Variants in ZAN observed in about 807,000 individuals in gnomAD.
The protein encoded by ZAN is zonadhesin (gene/pseudogene).
In ZAN, 260 loss-of-function variants were observed where a neutral mutation model predicts 286.2. The observed-to-expected ratio is 0.91, with a 90% CI of 0.82 to 1.01. The LOEUF (loss-of-function observed/expected upper bound fraction) is 1.01. Ranked by LOEUF, ZAN falls within the 50% of genes least tolerant of loss-of-function variation. The pLI, the probability that ZAN is intolerant of heterozygous loss-of-function variation, is 0.00. For synonymous variants in ZAN, 1,368 were observed against 1,417.5 expected (o/e 0.97, Z 0.79); for missense variants, 3,410 against 3,639.2 (o/e 0.94, Z 1.62).
chr7:100,754,408 G>A (rs1273310390), intron 14 of ZAN, among the ~76,000 whole-genome samples: 2 of 152,016 alleles, frequency 1.3e-5, no homozygotes, highest in African/African-American at 2.4e-5. Context: ...GCAGTGAGCC[G>A]AGATCATGCC....
At chr7:100,772,393 G>A (rs529752159) in intron 29 of ZAN, among the ~76,000 whole-genome samples, 9 of 151,430 alleles carry the variant, frequency 5.9e-5, no homozygotes, top group African/African-American at 2.2e-4. Flanking sequence ...TCACACCACT[G>A]CACTCCAGCC....
At chr7:100,790,396 A>G (rs987522742) in intron 39 of ZAN, among the ~76,000 whole-genome samples, 5 of 150,396 alleles carry the variant, frequency 3.3e-5, no homozygotes, top group African/African-American at 1.2e-4. Context: ...CCCTGTCTCT[A>G]CTGAAAATAC....
At chr7:100,794,290 GC>G (rs1812206193) in intron 44 of ZAN, 32 bp downstream of exon 44, 1 of 1,563,266 alleles carries the variant, frequency 6.4e-7, no homozygotes, top group African/African-American at 1.4e-5. Context: ...GTTCCAAGCT[GC>G]CCCATGCCCT....
At chr7:100,778,256 A>G (rs1810952722) in intron 34 of ZAN, among the ~76,000 whole-genome samples, 1 of 152,178 alleles carries the variant, frequency 6.6e-6, no homozygotes, top group African/African-American at 2.4e-5. Flanking sequence ...ACAGTGAGCT[A>G]TGATTGCATC....
intron 36 of ZAN, 92 bp from the exon 37 acceptor site, chr7:100,785,905 C>A (rs1168288418): frequency 6.8e-7 from 1 of 1,469,342 alleles, no homozygotes; most frequent in South Asian, 1.3e-5. Flanking sequence ...GTGATCCACC[C>A]GTCTCGGCCT....
Position 100,773,755 on chromosome 7 carries a change from C to G in ZAN, c.5669C>G (p.Thr1890Ser). 1 of 1,611,552 alleles carries G rather than the reference C, an allele frequency of 6.2e-7. No homozygotes were observed. The highest frequency in any genetic ancestry group is 8.5e-7 in the Non-Finnish European group (1 of 1,178,798). Residue 1890 changes from threonine (T) to serine (S), a missense_variant, in exon 31 of 48, where the codon ACC (threonine) becomes AGC (serine). Transcript: ENST00000613979. Reference sequence around the variant, plus strand: ...CGCTGGTACACAGAGAACACCTGCACCAGGCTCTGCACCTGCTCCGTCCAC... The same window carrying G: ...CGCTGGTACACAGAGAACACCTGCAGCAGGCTCTGCACCTGCTCCGTCCAC... Reference protein sequence around the residue: ...GERWYTENTCTRLCTCSVHNN... With the variant: ...GERWYTENTCSRLCTCSVHNN...
chr7:100,786,371 G>A (rs1271205980), intron 37 of ZAN, among the ~76,000 whole-genome samples: 1 of 152,064 alleles, frequency 6.6e-6, no homozygotes, highest in Non-Finnish European at 1.5e-5. Flanking sequence ...CAAAAAGAGG[G>A]GACTGGTCAA....
At chr7:100,762,925 G>T (rs944708965) in intron 20 of ZAN, among the ~76,000 whole-genome samples, 13 of 150,924 alleles carry the variant, frequency 8.6e-5, no homozygotes, top group Admixed American at 7.3e-4. Flanking sequence ...TAGACATGGG[G>T]TTCTCACCAG....
chr7:100,767,967 T>G lies in ZAN; in HGVS notation c.4997T>G (p.Val1666Gly). 1 of 1,613,904 alleles carries G rather than the reference T, an allele frequency of 6.2e-7. No homozygotes were observed. Among genetic ancestry groups the G allele is most frequent in the Non-Finnish European group, 8.5e-7 (1 of 1,179,852 alleles). Residue 1666 changes from valine to glycine, a missense_variant, in exon 26 of 48, where the codon GTG becomes GGG. Around this residue, in one of 7 missense-constraint regions of ZAN, gnomAD observed 1,042 missense variants for 1,058.0 expected, o/e 0.98. Transcript: ENST00000613979. Reference sequence around the variant, plus strand: ...TACGACGGGAGCCACTTGGTGGAAGTGACAGTCCCCTCCTCCTATGGCGGC... The same window carrying G: ...TACGACGGGAGCCACTTGGTGGAAGGGACAGTCCCCTCCTCCTATGGCGGC... ...VRYDGSHLVE[V>G]TVPSSYGGQL...
intron 6 of ZAN, 33 bp downstream of exon 6, chr7:100,737,382 G>T: frequency 7.5e-7 from 1 of 1,338,438 alleles, no homozygotes. Flanking sequence ...GCCTGCCCTC[G>T]GACCCTTTTC....
At chr7:100,745,118 A>T (rs896746428) in intron 7 of ZAN, among the ~76,000 whole-genome samples, 1 of 151,714 alleles carries the variant, frequency 6.6e-6, no homozygotes, top group South Asian at 2.1e-4. Flanking sequence ...CCCTGACCTC[A>T]GGTGATCCGC....
chr7:100,783,783 T>TATATATATATATATATATAC (rs377402352), intron 35 of ZAN, among the ~76,000 whole-genome samples: 2 of 20,486 alleles, frequency 9.8e-5, no homozygotes, highest in African/African-American at 2.7e-4. Context: ...TATATATATA[T>TATATATATATATATATATAC]ACACATATAT....
In ZAN at chr7:100,751,397, C is replaced by T. The variant is rs564089645; in HGVS notation, c.1606+131C>T. 165 of 646,004 alleles carry T rather than the reference C, an allele frequency of 2.6e-4. 1 individual carries two copies. The highest frequency in any genetic ancestry group is 2.2e-3 in the Middle Eastern group (5 of 2,248). The allele number at this position is 646,004 out of a possible 1,614,324, so 40.0% of individuals were successfully genotyped here. ...TCACCCAGCTGGCTTTGTTTTCCAT[C>T]TTCAACACACCTCTCCTTCCCCTGC... is the stretch of plus-strand genomic sequence containing the variant. On this transcript the variant is annotated intron_variant, in intron 13 of 47. Coordinates refer to ENST00000613979, the MANE Select transcript of ZAN (RefSeq NM_003386.3).
chr7:100,792,670 C>A, intron 42 of ZAN, 191 bp downstream of exon 42: 1 of 1,364,846 alleles, frequency 7.3e-7, no homozygotes, highest in South Asian at 1.6e-5. Context: ...GAATTTCTGC[C>A]TTAGTCCCAG....
At chr7:100,785,693 C>G (rs772382174) in intron 36 of ZAN, among the ~76,000 whole-genome samples, 53 of 150,286 alleles carry the variant, frequency 3.5e-4, no homozygotes, top group Non-Finnish European at 6.4e-4. Context: ...GAGTCTCGCT[C>G]TGTTGCCCAG....
At chr7:100,776,340 G>A in intron 33 of ZAN, 100 bp from the exon 34 acceptor site, 1 of 1,230,402 alleles carries the variant, frequency 8.1e-7, no homozygotes, top group Non-Finnish European at 1.1e-6. Flanking sequence ...GAGGGAGGGA[G>A]GGAGGAAAAC....
chr7:100,750,087 C>CACACACAT (rs1554399871), intron 11 of ZAN, among the ~76,000 whole-genome samples: 238 of 150,448 alleles, frequency 1.6e-3, no homozygotes, highest in Middle Eastern at 6.8e-3. Flanking sequence ...CACACACACA[C>CACACACAT]ACACACACAC....
At chr7:100,770,036 C>G in intron 28 of ZAN, 62 bp downstream of exon 28, 1 of 1,470,868 alleles carries the variant, frequency 6.8e-7, no homozygotes. Flanking sequence ...GGGAGGGAGT[C>G]TAGTCAGGGA....
chr7:100,796,443 G>A (rs1468418009), intron 45 of ZAN, among the ~76,000 whole-genome samples: 2 of 132,070 alleles, frequency 1.5e-5, no homozygotes, highest in Non-Finnish European at 3.1e-5. Context: ...TTTTTTTTGA[G>A]TCTTGGTCTG....
Sources: gnomAD v4.1 joint callset for allele counts (sites outside exome capture counted in the v4.1 genomes callset) on GRCh38, gnomAD v4.1.1 for gene constraint, gnomAD v4.1.1 regional missense constraint, MANE v1.5 for transcripts, NCBI Gene and HGNC (gene_info 2026-07-23, HGNC 2026-07-21) for gene names.